The following DENND4A variants were observed in gnomAD, a reference collection of about 807,000 sequenced individuals.
DENND4A encodes DENN domain containing 4A.
In DENND4A, 70 loss-of-function variants were observed where a neutral mutation model predicts 199.3. That is an observed-to-expected ratio of 0.35 (90% CI 0.29 to 0.43). The LOEUF is 0.43. DENND4A is among the 20% of genes least tolerant of loss of function. The probability of loss-of-function intolerance (pLI) is 1.00; values close to 1 mark genes in which losing one functional copy is unlikely to be tolerated. For missense variants in DENND4A, 1,723 were observed against 2,255.8 expected (o/e 0.76, Z 4.78); for synonymous variants, 686 against 766.9 (o/e 0.89, Z 1.74).
intron 5 of DENND4A, among the ~76,000 whole-genome samples, chr15:65,739,799 T>C (rs933728159): frequency 6.6e-6 from 1 of 152,224 alleles, no homozygotes; most frequent in Non-Finnish European, 1.5e-5. Flanking sequence ...AGCCAGCAAG[T>C]AGGTCCCATG....
chr15:65,769,190 A>G (rs1275389708), intron 1 of DENND4A, among the ~76,000 whole-genome samples: 10 of 131,720 alleles, frequency 7.6e-5, no homozygotes, highest in East Asian at 5.1e-4. Flanking sequence ...TTCCTAGCAT[A>G]TAAGGTATAC....
chr15:65,671,581 G>A, intron 25 of DENND4A, among the ~76,000 whole-genome samples: 1 of 152,092 alleles, frequency 6.6e-6, no homozygotes, highest in Non-Finnish European at 1.5e-5. Context: ...GTAGAGACGT[G>A]GTTTCACCAT....
In DENND4A at chr15:65,671,881, G is replaced by A. The variant is rs767280071; in HGVS notation, c.4375C>T (p.Leu1459=). The change falls in exon 25 of 33, where the codon CTG becomes TTG. Residue 1459 remains leucine (L), a synonymous_variant. Coordinates refer to ENST00000443035, the MANE Select transcript of DENND4A (RefSeq NM_001320835.1). The part of the protein sequence containing the change: ...LESSASLEGS[L]SKFALPGKSE... ...TTCCCAGGTAAGGCAAACTTCGACA[G>A]AGATCCTGTTCATTAGTGAAAAACA... The A allele has an allele frequency of 6.3e-7, 1 of 1,595,030 alleles. No individual in the cohort carries two copies. The highest frequency in any genetic ancestry group is 1.7e-5 in the Admixed American group (1 of 59,980).
chr15:65,721,326 T>C (rs1667483334), intron 12 of DENND4A, among the ~76,000 whole-genome samples: 1 of 152,078 alleles, frequency 6.6e-6, no homozygotes, highest in South Asian at 2.1e-4. Context: ...CTACTTGTTA[T>C]GAAGTGTACT....
At chr15:65,760,708 G>A (rs965502524) in intron 2 of DENND4A, among the ~76,000 whole-genome samples, 1 of 152,038 alleles carries the variant, frequency 6.6e-6, no homozygotes, top group Non-Finnish European at 1.5e-5. Context: ...GGCCAACATG[G>A]TGAAACCTCG....
At position 65,664,547 on chromosome 15, in the gene DENND4A, G is replaced by A; in HGVS notation, c.5522+13C>T. On this transcript the variant is annotated intron_variant, in intron 31 of 32. Coordinates refer to ENST00000443035, the MANE Select transcript of DENND4A (RefSeq NM_001320835.1). The stretch of plus-strand genomic sequence containing the variant: ...CTAGGAGAACAATATATTCGTCTAA[G>A]AGAAGGACTTACCTCTGTCTTTTAA... The A allele has an allele frequency of 6.2e-7, 1 of 1,608,154 alleles. No homozygotes were observed. Among genetic ancestry groups the A allele is most frequent in the Non-Finnish European group, 8.5e-7 (1 of 1,176,330 alleles).
chr15:65,690,752 T>C lies in DENND4A; in HGVS notation c.3842A>G (p.Asn1281Ser). Reference protein sequence around the residue: ...DLQRACDDKLNKKSPPLVKAC... With the variant: ...DLQRACDDKLSKKSPPLVKAC... Reference sequence around the variant, plus strand: ...CTTGACCAATGGTGGACTTTTCTTATTTAATTTATCATCACATGCCCGTTG... The same window carrying C: ...CTTGACCAATGGTGGACTTTTCTTACTTAATTTATCATCACATGCCCGTTG... Residue 1281 changes from asparagine (N) to serine (S), a missense_variant, in exon 23 of 33, where the codon AAT (asparagine) becomes AGT (serine). Asn to Ser is a conservative substitution (Grantham distance 46). Around this residue, in one of 6 missense-constraint regions of DENND4A, gnomAD observed 650 missense variants for 738.1 expected, o/e 0.88. Transcript: ENST00000443035. 6.2e-7 allele frequency: 1 copy of C among 1,613,632 alleles called. No individual in the cohort carries two copies. The highest frequency in any genetic ancestry group is 1.3e-5 in the African/African-American group (1 of 75,064).
At chr15:65,734,196 T>C (rs552126740) in intron 7 of DENND4A, among the ~76,000 whole-genome samples, 4 of 152,310 alleles carry the variant, frequency 2.6e-5, no homozygotes, top group Admixed American at 6.5e-5. Flanking sequence ...TAAAACCCGA[T>C]TGTACGTTCC....
chr15:65,677,925 CTCTT>C (rs1275758693), intron 23 of DENND4A, among the ~76,000 whole-genome samples: 36 of 117,886 alleles, frequency 3.1e-4, no homozygotes, highest in African/African-American at 1.0e-3. Context: ...AGCCTCTTAT[CTCTT>C]TTTTTTTTTT....
At position 65,751,030 on chromosome 15, in the gene DENND4A, T is replaced by TA. The variant is rs1567075984; in HGVS notation, c.561+1348dup. ...AATAGTTTTTGCTTTTATAAAGGGT[T>TA]AAAAAAAAGAGATGACTATGAGACA... On this transcript the variant is annotated intron_variant, in intron 4 of 32. Transcript: ENST00000443035. Among the ~76,000 whole-genome samples the TA allele has an allele frequency of 3.3e-5, 5 of 151,924 alleles. No individual in the cohort carries two copies. In the East Asian group the frequency reaches 7.7e-4, roughly 23 times the overall value.
At chr15:65,785,795 C>T (rs531970740) in intron 1 of DENND4A, among the ~76,000 whole-genome samples, 73 of 152,138 alleles carry the variant, frequency 4.8e-4, no homozygotes, top group African/African-American at 1.7e-3. Context: ...TCACTATCAA[C>T]AATATATACT....
intron 23 of DENND4A, chr15:65,680,619 G>A (rs570192562): frequency 6.6e-6 from 1 of 152,284 alleles, no homozygotes; most frequent in South Asian, 2.1e-4. Flanking sequence ...AAAAATTAAT[G>A]AGACTAAATT....
chr15:65,724,951 A>G (rs1049898646), intron 11 of DENND4A, among the ~76,000 whole-genome samples: 15 of 152,220 alleles, frequency 9.9e-5, no homozygotes, highest in African/African-American at 3.6e-4. Context: ...GTGCCTAGCA[A>G]AAAAAGGGCA....
At chr15:65,750,317 C>T (rs10431806) in intron 4 of DENND4A, among the ~76,000 whole-genome samples, 30,083 of 151,866 alleles carry the variant, frequency 0.2, 4,006 homozygotes, top group East Asian at 0.74. Flanking sequence ...GAACAAAAGA[C>T]GCTGGGGACT....
chr15:65,670,259 T>G lies in DENND4A; in HGVS notation c.4465-71A>C, dbSNP rs992752123. ...ATTATGAATTAAAAACCATTTCAAT[T>G]CATAAATTCATTGGATAATTAAAAC... On this transcript the variant is annotated intron_variant, in intron 25 of 32. Transcript: ENST00000443035. The G allele has an allele frequency of 3.2e-6, 4 of 1,257,486 alleles. No homozygotes were observed. In the African/African-American group the frequency reaches 6.1e-5, roughly 19 times the overall value. The allele number at this position is 1,257,486 out of a possible 1,614,324, so 77.9% of individuals were successfully genotyped here.
rs750859773 is a variant in DENND4A, at chr15:65,737,766, C to T, written c.981G>A (p.Lys327=). 1 of 1,592,284 alleles carries T rather than the reference C, an allele frequency of 6.3e-7. No individual in the cohort carries two copies. The highest frequency in any genetic ancestry group is 8.6e-7 in the Non-Finnish European group (1 of 1,168,832). The change falls in exon 7 of 33, where the codon AAG becomes AAA. Residue 327 remains lysine (K), a synonymous_variant. Transcript: ENST00000443035. ...SHWPFFDAFR[K]FLTFLYRYSI... ...AATAACGATACAGAAAAGTCAGAAA[C>T]TTCCTGAATGCATCAAAAAAAGGCC...
intron 12 of DENND4A, among the ~76,000 whole-genome samples, chr15:65,720,982 T>TATATATATATA (rs71447856): frequency 6.2e-4 from 77 of 123,608 alleles, no homozygotes; most frequent in South Asian, 1.0e-3. Context: ...TATATATATA[T>TATATATATATA]TTGTACTTTT....
At chr15:65,722,766 T>A in intron 12 of DENND4A, 82 bp downstream of exon 12, 1 of 1,094,584 alleles carries the variant, frequency 9.1e-7, no homozygotes, top group Non-Finnish European at 1.2e-6. Context: ...TAGATAAACA[T>A]TATTCTTTTA....
At position 65,661,627 on chromosome 15, in the gene DENND4A, G is replaced by A. The variant is rs1291272521; in HGVS notation, c.*224C>T. 1.4e-5 allele frequency: 5 copies of A among 364,534 alleles called. No individual in the cohort carries two copies. The highest frequency in any genetic ancestry group is 1.5e-5 in the Non-Finnish European group (3 of 204,122). 22.6% of individuals were successfully genotyped at this position (364,534 alleles called of 1,614,324 possible). A position where few individuals can be genotyped will look rare whatever the true frequency, so the allele number is the denominator to read the frequency against. ...AAAAATACTTTATTTCCTATTACAG[G>A]GGAGTTAAAGAAGAAGAAAAAAGAA... On this transcript the variant is annotated 3_prime_UTR_variant, in exon 33 of 33. Coordinates refer to ENST00000443035, the MANE Select transcript of DENND4A (RefSeq NM_001320835.1).
Sources: allele counts gnomAD v4.1 joint callset (sites outside exome capture counted in the v4.1 genomes callset), GRCh38; gene constraint gnomAD v4.1.1; regional missense constraint gnomAD v4.1.1; transcripts MANE v1.5; gene names NCBI Gene and HGNC (gene_info 2026-07-23, HGNC 2026-07-21).